ARFGEF3: variants seen among roughly 807,000 people sequenced by gnomAD.
ARFGEF3 encodes the protein ARFGEF family member 3, also known as brefeldin A-inhibited guanine nucleotide-exchange protein 3.
ARFGEF3 carries 96 observed loss-of-function variants against 221.7 expected under a neutral mutation model. The observed-to-expected ratio is 0.43, with a 90% CI of 0.37 to 0.51. The LOEUF is 0.51. Among genes scored for constraint, ARFGEF3 ranks in the 20% least tolerant of loss-of-function variants. The pLI, the probability that ARFGEF3 is intolerant of heterozygous loss-of-function variation, is 0.00. For synonymous variants in ARFGEF3, 1,145 were observed against 1,126.8 expected, an observed-to-expected ratio of 1.02 and a Z score of -0.32; for missense variants, 2,410 against 2,789.9, an observed-to-expected ratio of 0.86 and a Z score of 3.07.
chr6:138,293,201 G>A (rs1779445878), intron 19 of ARFGEF3, among the ~76,000 whole-genome samples: 1 of 152,172 alleles, frequency 6.6e-6, no homozygotes, highest in Non-Finnish European at 1.5e-5. Flanking sequence ...GTGTCACTAG[G>A]CTTGGAGGGC....
intron 31 of ARFGEF3, 81 bp downstream of exon 31, chr6:138,324,235 C>T: frequency 6.6e-7 from 1 of 1,505,858 alleles, no homozygotes. Flanking sequence ...GGTCTCGCAT[C>T]ACCAAATTGC....
chr6:138,212,984 C>T (rs748372627), intron 4 of ARFGEF3, among the ~76,000 whole-genome samples: 5 of 151,882 alleles, frequency 3.3e-5, no homozygotes, highest in Admixed American at 1.3e-4. Flanking sequence ...CAATTGTGTA[C>T]GTGTACCCTA....
intron 2 of ARFGEF3, among the ~76,000 whole-genome samples, chr6:138,193,506 C>T (rs78825765): frequency 0.036 from 5,419 of 152,206 alleles, 298 homozygotes; most frequent in African/African-American, 0.12. Context: ...TTTCACACAG[C>T]GCCTGGACAT....
At position 138,317,231 on chromosome 6, in the gene ARFGEF3, G is replaced by A. The variant is rs1300623720; in HGVS notation, c.4346-20G>A. 1.2e-6 allele frequency: 2 copies of A among 1,609,072 alleles called. No homozygotes were observed. Among genetic ancestry groups the A allele is most frequent in the African/African-American group, 2.7e-5 (2 of 74,622 alleles). On this transcript the variant is annotated intron_variant, in intron 26 of 33. Coordinates refer to ENST00000251691, the MANE Select transcript of ARFGEF3 (RefSeq NM_020340.5). ...TTGTGTCTAACTGGATTTCATACAG[G>A]TCTGCTTTTTGGTTTCCAGGTCTGA...
intron 12 of ARFGEF3, among the ~76,000 whole-genome samples, chr6:138,273,608 C>G (rs115805280): frequency 6.6e-6 from 1 of 152,106 alleles, no homozygotes; most frequent in African/African-American, 2.4e-5. Context: ...TCATGACATT[C>G]GAAGCAAGTA....
chr6:138,216,750 C>T (rs934386533), intron 4 of ARFGEF3: 3 of 152,142 alleles, frequency 2.0e-5, no homozygotes, highest in Admixed American at 6.5e-5. Flanking sequence ...CAATCTCTAG[C>T]GTTAAGGAAA....
At chr6:138,279,730 C>T (rs1285241475) in intron 13 of ARFGEF3, among the ~76,000 whole-genome samples, 3 of 152,174 alleles carry the variant, frequency 2.0e-5, no homozygotes, top group Non-Finnish European at 4.4e-5. Context: ...AATTGCAAAC[C>T]TTTCCACACA....
intron 23 of ARFGEF3, among the ~76,000 whole-genome samples, chr6:138,308,512 G>A (rs555739330): frequency 2.0e-5 from 3 of 152,252 alleles, no homozygotes; most frequent in Admixed American, 2.0e-4. Context: ...CCTCAGCTCT[G>A]CACTCGGCCA....
chr6:138,339,505 C>G lies in ARFGEF3; in HGVS notation c.*3019C>G, dbSNP rs1314875799. 1 of 152,154 alleles carries G rather than the reference C, an allele frequency of 6.6e-6. No individual in the cohort carries two copies. Among genetic ancestry groups the G allele is most frequent in the Non-Finnish European group, 1.5e-5 (1 of 68,014 alleles). 9.4% of individuals were successfully genotyped at this position (152,154 alleles called of 1,614,324 possible). ...AGAGTTTATACATTGTTTTTAGTTGCCTGTATTTATAGCCAAAAGTATATT... is the reference window on the plus strand; with the variant it reads ...AGAGTTTATACATTGTTTTTAGTTGGCTGTATTTATAGCCAAAAGTATATT... On this transcript the variant is annotated 3_prime_UTR_variant, in exon 34 of 34. Transcript: ENST00000251691.
rs897342724 is a variant in ARFGEF3, at chr6:138,341,151, T to G, written c.*4665T>G. On this transcript the variant is annotated 3_prime_UTR_variant, in exon 34 of 34. Transcript: ENST00000251691. ...CGGCATGCACAATTTGTAAACCTTT[T>G]TCAAATATCATTTAATCAACTCAGA... The G allele has an allele frequency of 1.3e-5, 2 of 152,520 alleles. No homozygotes were observed. The highest frequency in any genetic ancestry group is 2.8e-3 in the Middle Eastern group (1 of 358). 9.4% of individuals were successfully genotyped at this position (152,520 alleles called of 1,614,324 possible). A position where few individuals can be genotyped will look rare whatever the true frequency, so the allele number is the denominator to read the frequency against.
At chr6:138,168,899 T>C (rs7764720) in intron 1 of ARFGEF3, among the ~76,000 whole-genome samples, 13,967 of 152,240 alleles carry the variant, frequency 0.092, 1,178 homozygotes, top group African/African-American at 0.23. Flanking sequence ...CATGAATTCA[T>C]GGATCGTGTC....
At chr6:138,218,160 G>C (rs369010164) in intron 4 of ARFGEF3, 3 of 1,613,974 alleles carry the variant, frequency 1.9e-6, no homozygotes, top group Non-Finnish European at 1.7e-6. Flanking sequence ...TGTGAGAATT[G>C]CATGGTGTGA....
In ARFGEF3 at chr6:138,183,478, T is replaced by A. The variant is rs562148385; in HGVS notation, c.137+12765T>A. Among the ~76,000 whole-genome samples, 10 of 152,266 alleles carry A rather than the reference T, an allele frequency of 6.6e-5. No homozygotes were observed. In the South Asian group the frequency reaches 2.1e-3, roughly 32 times the overall value. On this transcript the variant is annotated intron_variant, in intron 2 of 33. Transcript: ENST00000251691. ...TTGCCTCGCTGTGTTCAGTTCTACA[T>A]GTTAACGTCTGTATCGGAGGGGTCT...
chr6:138,286,585 G>A (rs1372973242), intron 15 of ARFGEF3, 116 bp from the exon 16 acceptor site: 1 of 764,798 alleles, frequency 1.3e-6, no homozygotes, highest in Admixed American at 2.2e-5. Context: ...TATATTTCCT[G>A]TTGTAGAATT....
Position 138,169,336 on chromosome 6 carries a change from G to A in ARFGEF3, c.86-1326G>A, listed in dbSNP as rs144049240. 2.0e-4 allele frequency among the ~76,000 whole-genome samples: 31 copies of A among 152,326 alleles called. No homozygotes were observed. The East Asian group carries it at 4.8e-3, about 24-fold the overall frequency. ...ATCCCATGTGCCTGGGAGTCTCACTGCACTTAGAGCTGTAGTTTCATGGTG... is the reference window on the plus strand; with the variant it reads ...ATCCCATGTGCCTGGGAGTCTCACTACACTTAGAGCTGTAGTTTCATGGTG... On this transcript the variant is annotated intron_variant, in intron 1 of 33. Coordinates refer to ENST00000251691, the MANE Select transcript of ARFGEF3 (RefSeq NM_020340.5).
rs752109563 is a variant in ARFGEF3 at position 138,263,072 on chromosome 6, G to A, written c.1589G>A (p.Gly530Glu). 3 of 1,613,580 alleles carry A rather than the reference G, an allele frequency of 1.9e-6. No homozygotes were observed. Among genetic ancestry groups the A allele is most frequent in the Non-Finnish European group, 2.5e-6 (3 of 1,179,720 alleles). ...CAGACTACACCCGAGGACCATTCGG[G>A]AAACCACAAGAACAGTCTCAAGTCG... Reference protein sequence around the residue: ...LGQTTPEDHSGNHKNSLKSPA... With the variant: ...LGQTTPEDHSENHKNSLKSPA... The change falls in exon 12 of 34, where the codon GGA (glycine) becomes GAA (glutamate). Residue 530 changes from glycine to glutamate, a missense_variant. Around this residue, in one of 5 missense-constraint regions of ARFGEF3, gnomAD observed 594 missense variants for 734.3 expected, o/e 0.81. Transcript: ENST00000251691.
intron 10 of ARFGEF3, among the ~76,000 whole-genome samples, chr6:138,256,000 G>C (rs1778672473): frequency 6.6e-6 from 1 of 152,184 alleles, no homozygotes; most frequent in African/African-American, 2.4e-5. Context: ...TGAGAATCGA[G>C]CTAGTGCTTG....
At chr6:138,270,427 GACACACACACAC>G (rs3044804) in intron 12 of ARFGEF3, among the ~76,000 whole-genome samples, 9 of 139,512 alleles carry the variant, frequency 6.5e-5, no homozygotes, top group East Asian at 2.1e-4. Context: ...ATTTTACGTA[GACACACACACAC>G]ACACACACAC....
chr6:138,197,063 C>T (rs539075929), intron 2 of ARFGEF3, among the ~76,000 whole-genome samples: 42 of 152,286 alleles, frequency 2.8e-4, no homozygotes, highest in Middle Eastern at 3.4e-3. Flanking sequence ...AAACTCCTGA[C>T]CTCAGGTGAT....
Sources: gnomAD v4.1 joint callset for allele counts (sites outside exome capture counted in the v4.1 genomes callset) on GRCh38, gnomAD v4.1.1 for gene constraint, gnomAD v4.1.1 regional missense constraint, MANE v1.5 for transcripts, NCBI Gene and HGNC (gene_info 2026-07-23, HGNC 2026-07-21) for gene names.